Variants in BTBD8 observed in about 807,000 individuals in gnomAD.
BTBD8 encodes the protein BTB/POZ domain-containing protein 8.
A neutral mutation model predicts 162.9 loss-of-function variants in BTBD8; 110 were observed. The ratio of observed to expected loss-of-function variants is 0.68; its 90% CI spans 0.58 to 0.79. BTBD8 has a LOEUF of 0.79. BTBD8 is among the 30% of genes least tolerant of loss of function. The pLI, the probability that BTBD8 is intolerant of heterozygous loss-of-function variation, is 0.00. For synonymous variants in BTBD8, 667 were observed against 716.1 expected, an observed-to-expected ratio of 0.93 and a Z score of 1.10; for missense variants, 1,905 against 2,085.4, an observed-to-expected ratio of 0.91 and a Z score of 1.68.
chr1:92,113,658 C>T (rs954682557), intron 4 of BTBD8, among the ~76,000 whole-genome samples: 1 of 150,456 alleles, frequency 6.6e-6, no homozygotes, highest in Non-Finnish European at 1.5e-5. Context: ...GACCTTGTGA[C>T]CTAGGTGGAA....
At chr1:92,121,604 C>T (rs1257242838) in intron 4 of BTBD8, among the ~76,000 whole-genome samples, 1 of 152,078 alleles carries the variant, frequency 6.6e-6, no homozygotes, top group African/African-American at 2.4e-5. Flanking sequence ...CAAACAAATG[C>T]ACACAACTTA....
chr1:92,120,139 G>A (rs1165896852), intron 4 of BTBD8, among the ~76,000 whole-genome samples: 5 of 151,934 alleles, frequency 3.3e-5, no homozygotes, highest in African/African-American at 1.2e-4. Context: ...TGATCCACCC[G>A]CCTCGGCCTT....
intron 17 of BTBD8, among the ~76,000 whole-genome samples, chr1:92,183,591 G>A (rs1650983837): frequency 6.6e-6 from 1 of 151,426 alleles, no homozygotes; most frequent in South Asian, 2.1e-4. Flanking sequence ...ATGTTTAAAT[G>A]ATTTATGTTT....
intron 4 of BTBD8, among the ~76,000 whole-genome samples, chr1:92,112,711 A>C (rs1648932745): frequency 6.6e-6 from 1 of 152,220 alleles, no homozygotes; most frequent in South Asian, 2.1e-4. Context: ...GGATGTCACA[A>C]AATTCTCAAG....
At chr1:92,086,468 A>C (rs998032628) in intron 1 of BTBD8, among the ~76,000 whole-genome samples, 1 of 152,090 alleles carries the variant, frequency 6.6e-6, no homozygotes, top group Non-Finnish European at 1.5e-5. Flanking sequence ...CTGTCTCTAC[A>C]AAAGATACAA....
chr1:92,080,670 G>C lies in BTBD8; in HGVS notation c.99G>C (p.Arg33=). 6.2e-7 allele frequency: 1 copy of C among 1,613,388 alleles called. No homozygotes were observed. Among genetic ancestry groups the C allele is most frequent in the Non-Finnish European group, 8.5e-7 (1 of 1,179,730 alleles). ...KGLQRKGPCE[R]RRLKATVSEQ... ...TGCAAAGGAAGGGGCCGTGTGAGCG[G>C]CGCCGGCTGAAGGCGACGGTGTCGG... The change falls in exon 1 of 18, where the codon CGG becomes CGC. Residue 33 remains arginine, a synonymous_variant. Coordinates refer to ENST00000636805, the MANE Select transcript of BTBD8 (RefSeq NM_001376131.1).
Position 92,181,241 on chromosome 1 carries a change from T to A in BTBD8, c.3558T>A (p.Asp1186Glu), listed in dbSNP as rs747520727. The change falls in exon 17 of 18, where the codon GAT (aspartate) becomes GAA (glutamate). Residue 1186 changes from aspartate (D) to glutamate (E), a missense_variant. By Grantham distance (45) the Asp-to-Glu change is conservative. Around this residue, in one of 3 missense-constraint regions of BTBD8, gnomAD observed 1,374 missense variants for 1,442.7 expected, o/e 0.95. Transcript: ENST00000636805. Reference protein sequence around the residue: ...PSKLSDESAMDEDKHATADSD... With the variant: ...PSKLSDESAMEEDKHATADSD... ...AGTTGTCAGATGAATCTGCTATGGATGAAGACAAACATGCTACAGCAGACT... is the reference window on the plus strand; with the variant it reads ...AGTTGTCAGATGAATCTGCTATGGAAGAAGACAAACATGCTACAGCAGACT... 16 of 1,551,722 alleles carry A rather than the reference T, an allele frequency of 1.0e-5. No individual in the cohort carries two copies. In the African/African-American group the frequency reaches 1.9e-4, roughly 19 times the overall value.
chr1:92,118,415 A>C (rs956053636), intron 4 of BTBD8, among the ~76,000 whole-genome samples: 1 of 151,812 alleles, frequency 6.6e-6, no homozygotes, highest in African/African-American at 2.4e-5. Flanking sequence ...TGGGACAGGA[A>C]GACCACAAAG....
At position 92,156,676 on chromosome 1, in the gene BTBD8, T is replaced by C. The variant is rs370401705; in HGVS notation, c.1122+8890T>C. Among the ~76,000 whole-genome samples the C allele has an allele frequency of 7.5e-4, 115 of 152,342 alleles. 1 individual carries two copies. Among genetic ancestry groups the C allele is most frequent in the South Asian group, 2.7e-3 (13 of 4,830 alleles). On this transcript the variant is annotated intron_variant, in intron 9 of 17. Coordinates refer to ENST00000636805, the MANE Select transcript of BTBD8 (RefSeq NM_001376131.1). ...CATGATTCAACCTTAATAGGTTGTA[T>C]GTGTCTAGGAATTTATCCATTTCTT...
At chr1:92,105,767 AAGAGGTTC>A (rs2101905682) in intron 3 of BTBD8, among the ~76,000 whole-genome samples, 1 of 152,370 alleles carries the variant, frequency 6.6e-6, no homozygotes, top group Admixed American at 6.5e-5. Context: ...TCAGAACCAG[AAGAGGTTC>A]AGAGAACTCT....
chr1:92,173,271 G>A (rs552546278), intron 13 of BTBD8, among the ~76,000 whole-genome samples: 1 of 152,298 alleles, frequency 6.6e-6, no homozygotes, highest in African/African-American at 2.4e-5. Context: ...TACCTTGAAA[G>A]TGCTGAGAAA....
intron 5 of BTBD8, among the ~76,000 whole-genome samples, chr1:92,133,831 G>A (rs1241196615): frequency 1.3e-5 from 2 of 152,020 alleles, no homozygotes; most frequent in East Asian, 1.9e-4. Context: ...TTAGCCGGGC[G>A]TGGTGGCGGG....
At chr1:92,098,675 G>T (rs1648514793) in intron 2 of BTBD8, among the ~76,000 whole-genome samples, 1 of 152,004 alleles carries the variant, frequency 6.6e-6, no homozygotes, top group African/African-American at 2.4e-5. Context: ...GCATTTCCAT[G>T]ATAGGTAATG....
intron 9 of BTBD8, among the ~76,000 whole-genome samples, chr1:92,162,585 G>A (rs1298974167): frequency 6.6e-6 from 1 of 152,150 alleles, no homozygotes; most frequent in East Asian, 1.9e-4. Flanking sequence ...GTAAGTCAAG[G>A]GAGGATACAG....
chr1:92,108,702 T>G (rs1648807433), intron 4 of BTBD8, among the ~76,000 whole-genome samples: 1 of 152,232 alleles, frequency 6.6e-6, no homozygotes, highest in Non-Finnish European at 1.5e-5. Flanking sequence ...CATATTATCT[T>G]TTGGAACTCA....
In BTBD8 at chr1:92,184,421, C is replaced by T; in HGVS notation, c.*91C>T. The T allele has an allele frequency of 1.3e-6, 1 of 781,132 alleles. No individual in the cohort carries two copies. Among genetic ancestry groups the T allele is most frequent in the Non-Finnish European group, 2.0e-6 (1 of 501,898 alleles). The allele number at this position is 781,132 out of a possible 1,614,324, so 48.4% of individuals were successfully genotyped here. On this transcript the variant is annotated 3_prime_UTR_variant, in exon 18 of 18. Coordinates refer to ENST00000636805, the MANE Select transcript of BTBD8 (RefSeq NM_001376131.1). Reference sequence around the variant, plus strand: ...GATAATTGCATTAGCCGGATATAAACTTTCTTTAATATTGAGTCTTTCCAA... The same window carrying T: ...GATAATTGCATTAGCCGGATATAAATTTTCTTTAATATTGAGTCTTTCCAA...
intron 5 of BTBD8, among the ~76,000 whole-genome samples, chr1:92,131,917 C>T (rs932607330): frequency 5.9e-5 from 9 of 152,004 alleles, no homozygotes; most frequent in African/African-American, 2.2e-4. Context: ...ATCGTGTTGC[C>T]CAGGCCAGTC....
chr1:92,093,313 C>G (rs1454422512), intron 2 of BTBD8, among the ~76,000 whole-genome samples: 2 of 151,736 alleles, frequency 1.3e-5, no homozygotes, highest in Non-Finnish European at 2.9e-5. Context: ...CAGCCTCAGC[C>G]TCTTGAGTAG....
intron 3 of BTBD8, 55 bp downstream of exon 3, chr1:92,102,724 ATACAGT>A: frequency 7.5e-7 from 1 of 1,327,934 alleles, no homozygotes. Context: ...TTATATTCTG[ATACAGT>A]TAGAGAAAAG....
Sources: gnomAD v4.1 joint callset for allele counts (sites outside exome capture counted in the v4.1 genomes callset) on GRCh38, gnomAD v4.1.1 for gene constraint, gnomAD v4.1.1 regional missense constraint, MANE v1.5 for transcripts, NCBI Gene and HGNC (gene_info 2026-07-23, HGNC 2026-07-21) for gene names.